SYT1: variants seen among roughly 807,000 people sequenced by gnomAD.
SYT1 encodes synaptotagmin-1.
A neutral mutation model predicts 44.8 loss-of-function variants in SYT1; 8 were observed. The ratio of observed to expected loss-of-function variants is 0.18; its 90% CI spans 0.10 to 0.32. The LOEUF (loss-of-function observed/expected upper bound fraction) is 0.32, where lower values mean the gene tolerates loss of function less well. Among genes scored for constraint, SYT1 ranks in the 10% least tolerant of loss-of-function variants. The probability of loss-of-function intolerance (pLI) is 1.00; values close to 1 mark genes in which losing one functional copy is unlikely to be tolerated. For missense variants in SYT1, 286 were observed against 509.3 expected (o/e 0.56, Z 4.22); for synonymous variants, 154 against 188.8 (o/e 0.82, Z 1.51).
chr12:79,238,784 C>T (rs938245951), intron 4 of SYT1, among the ~76,000 whole-genome samples: 2 of 152,188 alleles, frequency 1.3e-5, no homozygotes, highest in African/African-American at 2.4e-5. Flanking sequence ...GAACCTGGGA[C>T]AGAAATGTTG....
intron 1 of SYT1, among the ~76,000 whole-genome samples, chr12:78,934,161 CACACACACACAT>C (rs1565725492): frequency 1.4e-5 from 2 of 146,818 alleles, no homozygotes; most frequent in Admixed American, 6.9e-5. Flanking sequence ...TGCGTGTGTA[CACACACACACAT>C]ACACACACAC....
chr12:78,898,133 A>G (rs1875463274), intron 1 of SYT1, among the ~76,000 whole-genome samples: 1 of 151,518 alleles, frequency 6.6e-6, no homozygotes, highest in Non-Finnish European at 1.5e-5. Flanking sequence ...CTACATAATA[A>G]CTGTAGAATG....
chr12:79,142,267 A>G (rs1234148769), intron 3 of SYT1, among the ~76,000 whole-genome samples: 1 of 152,240 alleles, frequency 6.6e-6, no homozygotes, highest in Non-Finnish European at 1.5e-5. Flanking sequence ...GTGCCAGGTA[A>G]GCGTCTCACC....
intron 3 of SYT1, among the ~76,000 whole-genome samples, chr12:79,099,934 C>CTCT (rs1291835482): frequency 6.6e-6 from 1 of 152,004 alleles, no homozygotes; most frequent in African/African-American, 2.4e-5. Context: ...CGTAGGCATG[C>CTCT]TAAAGCTTTA....
At chr12:79,158,606 G>A (rs1870749994) in intron 3 of SYT1, among the ~76,000 whole-genome samples, 1 of 151,876 alleles carries the variant, frequency 6.6e-6, no homozygotes, top group African/African-American at 2.4e-5. Context: ...AATAATAATA[G>A]ATGATAAAAG....
intron 3 of SYT1, among the ~76,000 whole-genome samples, chr12:79,086,506 A>G (rs1877393015): frequency 6.6e-6 from 1 of 152,152 alleles, no homozygotes; most frequent in African/African-American, 2.4e-5. Flanking sequence ...TCATCCCCAG[A>G]AGTTTAGTAT....
At chr12:78,947,128 G>C (rs1878700610) in intron 1 of SYT1, among the ~76,000 whole-genome samples, 1 of 152,130 alleles carries the variant, frequency 6.6e-6, no homozygotes, top group Non-Finnish European at 1.5e-5. Context: ...ATTTTTAAAA[G>C]CTATTCCCAA....
chr12:79,002,363 T>G (rs955985020), intron 2 of SYT1, among the ~76,000 whole-genome samples: 1 of 152,114 alleles, frequency 6.6e-6, no homozygotes, highest in South Asian at 2.1e-4. Flanking sequence ...ACTTACTTGC[T>G]CTTAGCTGAA....
chr12:79,023,274 G>A (rs909381751), intron 2 of SYT1, among the ~76,000 whole-genome samples: 4 of 151,806 alleles, frequency 2.6e-5, no homozygotes, highest in Non-Finnish European at 2.9e-5. Flanking sequence ...TAATTTATTT[G>A]ATTATGGCTG....
chr12:79,321,360 AGG>A (rs1289604554), intron 8 of SYT1, among the ~76,000 whole-genome samples: 1 of 152,196 alleles, frequency 6.6e-6, no homozygotes, highest in Non-Finnish European at 1.5e-5. Flanking sequence ...GAAAAGCATG[AGG>A]GTCCCTGGTA....
At chr12:79,098,181 C>A (rs1341641613) in intron 3 of SYT1, among the ~76,000 whole-genome samples, 1 of 151,948 alleles carries the variant, frequency 6.6e-6, no homozygotes, top group Non-Finnish European at 1.5e-5. Flanking sequence ...ATACACGAAT[C>A]TCCCTCTGCA....
intron 3 of SYT1, among the ~76,000 whole-genome samples, chr12:79,078,969 G>T (rs2137940288): frequency 6.6e-6 from 1 of 152,180 alleles, no homozygotes; most frequent in East Asian, 1.9e-4. Context: ...TTAAGAGGAA[G>T]AATTTAAAAG....
rs200398054 is a variant in SYT1, at chr12:79,367,901, A to T, written c.928+14282A>T. On this transcript the variant is annotated intron_variant, in intron 9 of 10. Transcript: ENST00000261205. Reference sequence around the variant, plus strand: ...TACAGCAGAGATGATACCTTTTTTTAAAAAAAAAAATTATTATTATACTTT... The same window carrying T: ...TACAGCAGAGATGATACCTTTTTTTTAAAAAAAAAATTATTATTATACTTT... Among the ~76,000 whole-genome samples the T allele has an allele frequency of 2.8e-3, 404 of 143,136 alleles. 2 individuals are homozygous for T. The highest frequency in any genetic ancestry group is 8.1e-3 in the African/African-American group (317 of 39,142). The allele number at this position is 143,136 out of a possible 152,430, so 93.9% of individuals were successfully genotyped here.
rs1004759205 is a variant in SYT1 at position 79,213,498 on chromosome 12, T to C, written c.-17-4005T>C. On this transcript the variant is annotated intron_variant, in intron 3 of 10. Transcript: ENST00000261205. The stretch of plus-strand genomic sequence containing the variant: ...AATGGGTGATAATTATTAACGAGAA[T>C]AATATGAAATATTATATGCTTTAAT... 2.6e-5 allele frequency among the ~76,000 whole-genome samples: 4 copies of C among 152,368 alleles called. No homozygotes were observed. In the East Asian group the frequency reaches 7.7e-4, roughly 29 times the overall value.
At chr12:79,154,477 T>G (rs1030031650) in intron 3 of SYT1, among the ~76,000 whole-genome samples, 4 of 151,822 alleles carry the variant, frequency 2.6e-5, no homozygotes, top group Admixed American at 6.6e-5. Context: ...TCATACAGCT[T>G]GTAAGTTTTG....
intron 2 of SYT1, among the ~76,000 whole-genome samples, chr12:78,978,931 C>A (rs1869043493): frequency 6.6e-6 from 1 of 152,136 alleles, no homozygotes; most frequent in Non-Finnish European, 1.5e-5. Context: ...GTAAATGTAC[C>A]TATACGCTTA....
rs1226518216 is a variant in SYT1 at position 79,450,502 on chromosome 12, A to ATGTT, written c.*1379_*1382dup. On this transcript the variant is annotated 3_prime_UTR_variant, in exon 11 of 11. Transcript: ENST00000261205. ...TAGGAGGAGTTTTTAAACGTTTTCAATGTTATTATGTAGTAAATGACACTA... is the reference window on the plus strand; with the variant it reads ...TAGGAGGAGTTTTTAAACGTTTTCAATGTTTGTTATTATGTAGTAAATGACACTA... 6.6e-6 allele frequency: 1 copy of ATGTT among 152,568 alleles called. No individual in the cohort carries two copies. Among genetic ancestry groups the ATGTT allele is most frequent in the African/African-American group, 2.4e-5 (1 of 41,436 alleles). 9.5% of individuals were successfully genotyped at this position (152,568 alleles called of 1,614,324 possible). A position where few individuals can be genotyped will look rare whatever the true frequency, so the allele number is the denominator to read the frequency against.
intron 3 of SYT1, among the ~76,000 whole-genome samples, chr12:79,089,385 T>C (rs1592738142): frequency 6.6e-6 from 1 of 152,030 alleles, no homozygotes; most frequent in East Asian, 1.9e-4. Context: ...TGTGTTTTGC[T>C]ATCCCACCAA....
At chr12:79,311,783 C>A (rs1880810587) in intron 8 of SYT1, among the ~76,000 whole-genome samples, 1 of 146,328 alleles carries the variant, frequency 6.8e-6, no homozygotes, top group Non-Finnish European at 1.5e-5. Context: ...AAAGCAAACA[C>A]CGCATGTTCT....
Sources: gnomAD v4.1 joint callset for allele counts (sites outside exome capture counted in the v4.1 genomes callset) on GRCh38, gnomAD v4.1.1 for gene constraint, MANE v1.5 for transcripts, NCBI Gene and HGNC (gene_info 2026-07-23, HGNC 2026-07-21) for gene names.